PRSS16: variants seen among roughly 807,000 people sequenced by gnomAD.
PRSS16 encodes the protein thymus-specific serine protease.
PRSS16 carries 43 observed loss-of-function variants against 61.7 expected under a neutral mutation model. The ratio of observed to expected loss-of-function variants is 0.70; its 90% CI spans 0.55 to 0.90. The LOEUF is 0.90. PRSS16 is among the 40% of genes least tolerant of loss of function. The pLI is 0.00. For synonymous variants in PRSS16, 273 were observed against 285.2 expected (o/e 0.96, Z 0.43); for missense variants, 591 against 659.1 (o/e 0.90, Z 1.13).
chr6:27,248,110 C>T (rs1012622574), intron 2 of PRSS16, 62 bp downstream of exon 2: 28 of 1,528,564 alleles, frequency 1.8e-5, no homozygotes, highest in African/African-American at 9.7e-5. Flanking sequence ...TCCCTCATCT[C>T]TTCCTCAGTC....
intron 2 of PRSS16, among the ~76,000 whole-genome samples, chr6:27,248,303 A>T (rs1316250164): frequency 6.6e-6 from 1 of 151,486 alleles, no homozygotes; most frequent in Non-Finnish European, 1.5e-5. Flanking sequence ...TCTCTCTGTC[A>T]TTCACATTCA....
Position 27,256,343 on chromosome 6 carries a change from C to T in PRSS16, c.*1028C>T, listed in dbSNP as rs146267002. 5.2e-4 allele frequency: 79 copies of T among 152,778 alleles called. No individual in the cohort carries two copies. The highest frequency in any genetic ancestry group is 6.0e-4 in the Non-Finnish European group (41 of 68,066). 9.5% of individuals were successfully genotyped at this position (152,778 alleles called of 1,614,324 possible). ...CAGGGCCTGGGAGGATAGGGCTAAT[C>T]CCAAGGGTGCCTGCTTAGGCTATGT... On this transcript the variant is annotated 3_prime_UTR_variant, in exon 12 of 12. Coordinates refer to ENST00000230582, the MANE Select transcript of PRSS16 (RefSeq NM_005865.4).
At chr6:27,249,333 C>T in intron 4 of PRSS16, 104 bp downstream of exon 4, 1 of 1,395,178 alleles carries the variant, frequency 7.2e-7, no homozygotes, top group Non-Finnish European at 9.7e-7. Context: ...AAGTCAACCT[C>T]TGAGTCTCTG....
At position 27,254,690 on chromosome 6, in the gene PRSS16, C is replaced by A; in HGVS notation, c.1151-3C>A. 6.2e-7 allele frequency: 1 copy of A among 1,609,356 alleles called. No homozygotes were observed. Among genetic ancestry groups the A allele is most frequent in the Non-Finnish European group, 8.5e-7 (1 of 1,175,782 alleles). On this transcript the variant is annotated splice_polypyrimidine_tract_variant and splice_region_variant and intron_variant, in intron 9 of 11. Transcript: ENST00000230582. ...CCACACTTACAGGTATCTCCCTACA[C>A]AGATGTCACCTGTGAGAATCCCAGA...
At position 27,252,073 on chromosome 6, in the gene PRSS16, A is replaced by G; in HGVS notation, c.1008+33A>G. ...CTCCCTGGCACAGCTGGGAGGAGTTAGCGGACAAAGATTCCTGCCCCACTT... is the reference window on the plus strand; with the variant it reads ...CTCCCTGGCACAGCTGGGAGGAGTTGGCGGACAAAGATTCCTGCCCCACTT... On this transcript the variant is annotated intron_variant, in intron 8 of 11. Coordinates refer to ENST00000230582, the MANE Select transcript of PRSS16 (RefSeq NM_005865.4). The surrounding 1 kb of genome is among the most constrained non-coding windows in gnomAD (Gnocchi z 4.2). 1.4e-6 allele frequency: 2 copies of G among 1,456,124 alleles called. No individual in the cohort carries two copies. The highest frequency in any genetic ancestry group is 1.4e-5 in the African/African-American group (1 of 69,224). 90.2% of individuals were successfully genotyped at this position (1,456,124 alleles called of 1,614,324 possible).
intron 4 of PRSS16, among the ~76,000 whole-genome samples, chr6:27,249,925 C>T (rs1484864710): frequency 6.6e-6 from 1 of 152,198 alleles, no homozygotes; most frequent in African/African-American, 2.4e-5. Flanking sequence ...GTGCATCTCA[C>T]TCCTATTAAC....
Position 27,247,750 on chromosome 6 carries a change from C to A in PRSS16, c.13C>A (p.Leu5Ile). Residue 5 changes from leucine (L) to isoleucine (I), a missense_variant, in exon 1 of 12, where the codon CTT (leucine) becomes ATT (isoleucine). By Grantham distance (5) the Leu-to-Ile change is conservative. Coordinates refer to ENST00000230582, the MANE Select transcript of PRSS16 (RefSeq NM_005865.4). MAVW[L>I]AQWLGPLLLV... Reference sequence around the variant, plus strand: ...AGTCCCGAACACCATGGCCGTCTGGCTTGCCCAGTGGCTGGGCCCTCTGCT... The same window carrying A: ...AGTCCCGAACACCATGGCCGTCTGGATTGCCCAGTGGCTGGGCCCTCTGCT... 6.3e-7 allele frequency: 1 copy of A among 1,581,164 alleles called. No individual in the cohort carries two copies. The highest frequency in any genetic ancestry group is 8.6e-7 in the Non-Finnish European group (1 of 1,163,418).
In PRSS16 at chr6:27,251,673, G is replaced by A. The variant is rs1759907274; in HGVS notation, c.718-77G>A. Reference sequence around the variant, plus strand: ...CGCTAGGGGAAAGTGGGGAACCCAAGGAGGACGCAGGTCCTGGGTAGGGAA... The same window carrying A: ...CGCTAGGGGAAAGTGGGGAACCCAAAGAGGACGCAGGTCCTGGGTAGGGAA... On this transcript the variant is annotated intron_variant, in intron 7 of 11. Transcript: ENST00000230582. This position sits in a 1 kb window ranked among gnomAD's most constrained non-coding sequence, Gnocchi z 5.6. The A allele has an allele frequency of 2.0e-6, 3 of 1,507,598 alleles. No homozygotes were observed. In the South Asian group the frequency reaches 3.9e-5, roughly 20 times the overall value. The allele number at this position is 1,507,598 out of a possible 1,614,324, so 93.4% of individuals were successfully genotyped here.
chr6:27,251,065 G>C lies in PRSS16; in HGVS notation c.615G>C (p.Ser205=). The C allele has an allele frequency of 6.2e-7, 1 of 1,613,988 alleles. No individual in the cohort carries two copies. Among genetic ancestry groups the C allele is most frequent in the Non-Finnish European group, 8.5e-7 (1 of 1,180,040 alleles). The change falls in exon 6 of 12, where the codon TCG becomes TCC. Residue 205 remains serine, a synonymous_variant. Transcript: ENST00000230582. This position sits in a 1 kb window ranked among gnomAD's most constrained non-coding sequence, Gnocchi z 5.6. ...RLKFPHLIFA[S]VASSAPVRAV... ...AGTTCCCCCATCTCATTTTCGCGTC[G>C]GTCGCCTCCTCCGCCCCGGTGCGGG...
intron 4 of PRSS16, among the ~76,000 whole-genome samples, chr6:27,249,727 A>G (rs1759831950): frequency 6.6e-6 from 1 of 152,202 alleles, no homozygotes; most frequent in African/African-American, 2.4e-5. Context: ...CATGGAGTCC[A>G]GTGGGTTTTG....
At position 27,247,969 on chromosome 6, in the gene PRSS16, C is replaced by T; in HGVS notation, c.158C>T (p.Ala53Val). ...QGLGLSLGPG[A>V]AALPKVGWLE... ...CTGGGCCTGAGCCTGGGGCCAGGTG[C>T]TGCAGCCCTCCCAAAAGTGGGGTGG... The change falls in exon 2 of 12, where the codon GCT (alanine) becomes GTT (valine). Residue 53 changes from alanine (A) to valine (V), a missense_variant. Coordinates refer to ENST00000230582, the MANE Select transcript of PRSS16 (RefSeq NM_005865.4). The T allele has an allele frequency of 1.9e-6, 3 of 1,610,662 alleles. No individual in the cohort carries two copies. Among genetic ancestry groups the T allele is most frequent in the Non-Finnish European group, 2.5e-6 (3 of 1,178,454 alleles).
rs1311215131 is a variant in PRSS16 at position 27,247,754 on chromosome 6, C to T, written c.17C>T (p.Ala6Val). The T allele has an allele frequency of 4.4e-6, 7 of 1,583,970 alleles. No homozygotes were observed. Among genetic ancestry groups the T allele is most frequent in the East Asian group, 2.3e-5 (1 of 43,150 alleles). The change falls in exon 1 of 12, where the codon GCC (alanine) becomes GTC (valine). Residue 6 changes from alanine (A) to valine (V), a missense_variant. By Grantham distance (64) the Ala-to-Val change is moderately conservative. Coordinates refer to ENST00000230582, the MANE Select transcript of PRSS16 (RefSeq NM_005865.4). Reference sequence around the variant, plus strand: ...CCGAACACCATGGCCGTCTGGCTTGCCCAGTGGCTGGGCCCTCTGCTCTTG... The same window carrying T: ...CCGAACACCATGGCCGTCTGGCTTGTCCAGTGGCTGGGCCCTCTGCTCTTG... MAVWL[A>V]QWLGPLLLVS...
chr6:27,253,886 T>G (rs138913383), intron 9 of PRSS16: 21 of 154,866 alleles, frequency 1.4e-4, no homozygotes, highest in African/African-American at 4.6e-4. Context: ...ATTATAAGGC[T>G]TTACATATTT....
intron 9 of PRSS16, chr6:27,253,186 T>C: frequency 1.9e-6 from 1 of 538,930 alleles, no homozygotes; most frequent in South Asian, 2.2e-5. Flanking sequence ...CCCTTCAGCC[T>C]ATTCTTTCTC....
At chr6:27,248,550 T>A (rs1164870831) in intron 2 of PRSS16, among the ~76,000 whole-genome samples, 1 of 152,174 alleles carries the variant, frequency 6.6e-6, no homozygotes, top group African/African-American at 2.4e-5. Flanking sequence ...CATTTATTTC[T>A]TATTTTACAA....
In PRSS16 at chr6:27,255,241, C is replaced by T; in HGVS notation, c.1477-6C>T. On this transcript the variant is annotated splice_region_variant and splice_polypyrimidine_tract_variant and intron_variant, in intron 11 of 11. Coordinates refer to ENST00000230582, the MANE Select transcript of PRSS16 (RefSeq NM_005865.4). The surrounding 1 kb of genome is among the most constrained non-coding windows in gnomAD (Gnocchi z 4.4). ...TGACTTTCAAATTCTTCCCACCTCC[C>T]CACAGAACATCTTCCAGCAGCTACA... 6.2e-7 allele frequency: 1 copy of T among 1,614,022 alleles called. No individual in the cohort carries two copies. Among genetic ancestry groups the T allele is most frequent in the Non-Finnish European group, 8.5e-7 (1 of 1,179,934 alleles).
In PRSS16 at chr6:27,248,024, G is replaced by A. The variant is rs772875080; in HGVS notation, c.213G>A (p.Val71=). 2 of 1,613,760 alleles carry A rather than the reference G, an allele frequency of 1.2e-6. No homozygotes were observed. Among genetic ancestry groups the A allele is most frequent in the South Asian group, 1.1e-5 (1 of 91,040 alleles). Residue 71 remains valine (V), a synonymous_variant, in exon 2 of 12, where the codon GTG becomes GTA. Coordinates refer to ENST00000230582, the MANE Select transcript of PRSS16 (RefSeq NM_005865.4). ...AGCAACTGCTGGACCCCTTCAACGT[G>A]TCCGACAGACGATCCTTCCTACAGG... ...WLEQLLDPFN[V]SDRRSFLQRY... is the part of the protein sequence containing the mutation.
chr6:27,252,076 G>T lies in PRSS16; in HGVS notation c.1008+36G>T. 1 of 1,452,968 alleles carries T rather than the reference G, an allele frequency of 6.9e-7. No individual in the cohort carries two copies. The allele number at this position is 1,452,968 out of a possible 1,614,324, so 90.0% of individuals were successfully genotyped here. A position where few individuals can be genotyped will look rare whatever the true frequency, so the allele number is the denominator to read the frequency against. On this transcript the variant is annotated intron_variant, in intron 8 of 11. Coordinates refer to ENST00000230582, the MANE Select transcript of PRSS16 (RefSeq NM_005865.4). The surrounding 1 kb of genome is among the most constrained non-coding windows in gnomAD (Gnocchi z 4.2). ...CCTGGCACAGCTGGGAGGAGTTAGC[G>T]GACAAAGATTCCTGCCCCACTTCCG...
In PRSS16 at chr6:27,255,383, G is replaced by T. The variant is rs142829853; in HGVS notation, c.*68G>T. On this transcript the variant is annotated 3_prime_UTR_variant, in exon 12 of 12. Transcript: ENST00000230582. This position sits in a 1 kb window ranked among gnomAD's most constrained non-coding sequence, Gnocchi z 4.4. Reference sequence around the variant, plus strand: ...GGACATACTTGTTCACTGAACAAAAGAAAGCAGCTTGTTTTGAAAGAAGAA... The same window carrying T: ...GGACATACTTGTTCACTGAACAAAATAAAGCAGCTTGTTTTGAAAGAAGAA... 2,668 of 1,444,772 alleles carry T rather than the reference G, an allele frequency of 1.8e-3. 8 individuals are homozygous for T. The highest frequency in any genetic ancestry group is 2.3e-3 in the Non-Finnish European group (2,455 of 1,059,072). The allele number at this position is 1,444,772 out of a possible 1,614,324, so 89.5% of individuals were successfully genotyped here.
Sources: gnomAD v4.1 joint callset for allele counts (sites outside exome capture counted in the v4.1 genomes callset) on GRCh38, gnomAD v4.1.1 for gene constraint, Gnocchi (gnomAD v3.1) non-coding constraint, MANE v1.5 for transcripts, NCBI Gene and HGNC (gene_info 2026-07-23, HGNC 2026-07-21) for gene names.